Variants in TRIM63 observed in about 807,000 individuals in gnomAD.
The protein encoded by TRIM63 is E3 ubiquitin-protein ligase TRIM63.
Under a neutral mutation model 46.0 loss-of-function variants are expected in TRIM63, and 48 were observed. The observed-to-expected ratio is 1.04, with a 90% CI of 0.83 to 1.33. TRIM63 has a LOEUF of 1.33. TRIM63 is among the 40% of genes most tolerant of loss of function. The pLI is 0.00. For missense variants in TRIM63, 455 were observed against 441.2 expected, an observed-to-expected ratio of 1.03 and a Z score of -0.28; for synonymous variants, 175 against 162.8, an observed-to-expected ratio of 1.08 and a Z score of -0.57.
Position 26,057,236 on chromosome 1 carries a change from C to G in TRIM63, c.946G>C (p.Ala316Pro), listed in dbSNP as rs774962804. The G allele has an allele frequency of 2.5e-6, 4 of 1,614,200 alleles. No individual in the cohort carries two copies. The South Asian group carries it at 4.4e-5, about 18-fold the overall frequency. ...AAGTCAATGGCTCTCAGGGCGTCTG[C>G]TATGTGCTCTAAATCCAAAGTAAAG... ...DFFTLDLEHI[A>P]DALRAIDFGT... is the part of the protein sequence containing the mutation. The change falls in exon 7 of 9, where the codon GCA becomes CCA. Residue 316 changes from alanine (A) to proline (P), a missense_variant. Transcript: ENST00000374272.
In TRIM63 at chr1:26,058,447, C is replaced by G; in HGVS notation, c.774G>C (p.Lys258Asn). ...QYQEQLDKST[K>N]LVETAIQSLD... ...GGGACTGGATGGCAGTTTCCACCAG[C>G]TTTGTGGACTTGTCCAGCTGCTCCT... Residue 258 changes from lysine to asparagine, a missense_variant, in exon 5 of 9, where the codon AAG (lysine) becomes AAC (asparagine). Physicochemically the swap from Lys to Asn is moderately conservative, Grantham distance 94. Coordinates refer to ENST00000374272, the MANE Select transcript of TRIM63 (RefSeq NM_032588.4). The G allele has an allele frequency of 6.2e-7, 1 of 1,614,184 alleles. No homozygotes were observed. Among genetic ancestry groups the G allele is most frequent in the South Asian group, 1.1e-5 (1 of 91,082 alleles).
intron 3 of TRIM63, 62 bp downstream of exon 3, chr1:26,061,104 C>T: frequency 6.4e-7 from 1 of 1,566,122 alleles, no homozygotes; most frequent in Non-Finnish European, 8.7e-7. Context: ...AATCTGCCTC[C>T]TGAATCATCA....
chr1:26,059,795 G>T (rs570370515), intron 4 of TRIM63, among the ~76,000 whole-genome samples: 1 of 152,306 alleles, frequency 6.6e-6, no homozygotes. Flanking sequence ...TGTGGACCCA[G>T]CAGCTTGGGC....
intron 7 of TRIM63, among the ~76,000 whole-genome samples, chr1:26,054,404 C>T (rs2050550814): frequency 6.6e-6 from 1 of 152,182 alleles, no homozygotes; most frequent in African/African-American, 2.4e-5. Flanking sequence ...GCTTGTTCAG[C>T]AGCCACTGTC....
In TRIM63 at chr1:26,057,278, A is replaced by G. The variant is rs1474401164; in HGVS notation, c.904T>C (p.Phe302Leu). ...AAAGTAAAGAAGTCCATGTTCTCAA[A>G]GCCCTGCTCTGTCTTCCCCAGCTGG... is the stretch of plus-strand genomic sequence containing the variant. ...GCQLGKTEQGFENMDFFTLDL... is the reference protein window; with the variant it reads ...GCQLGKTEQGLENMDFFTLDL... Residue 302 changes from phenylalanine (F) to leucine (L), a missense_variant, in exon 7 of 9, where the codon TTT (phenylalanine) becomes CTT (leucine). By Grantham distance (22) the Phe-to-Leu change is conservative (BLOSUM62 0). Coordinates refer to ENST00000374272, the MANE Select transcript of TRIM63 (RefSeq NM_032588.4). 6.2e-7 allele frequency: 1 copy of G among 1,614,034 alleles called. No individual in the cohort carries two copies. The highest frequency in any genetic ancestry group is 2.2e-5 in the East Asian group (1 of 44,900).
Position 26,061,268 on chromosome 1 carries a change from G to T in TRIM63, c.399C>A (p.Tyr133Ter), listed in dbSNP as rs1025169410. ...KEHEDEKINI[Y>*]CLTCEVPTCS... is the part of the protein sequence containing the mutation. ...AGGTGGGCACCTCACACGTGAGACA[G>T]TAGATGTTGATTTTCTCATCTTCGT... is the stretch of plus-strand genomic sequence containing the variant. Residue 133 changes from tyrosine (Y) to a stop codon, truncating the protein, a stop_gained, in exon 3 of 9, where the codon TAC (tyrosine) becomes TAA (stop). Transcript: ENST00000374272. LOFTEE classifies it high-confidence loss of function. 10 of 1,614,210 alleles carry T rather than the reference G, an allele frequency of 6.2e-6. No individual in the cohort carries two copies. Among genetic ancestry groups the T allele is most frequent in the Non-Finnish European group, 8.5e-6 (10 of 1,180,012 alleles).
In TRIM63 at chr1:26,060,257, T is replaced by C. The variant is rs2050610865; in HGVS notation, c.597+9A>G. ...CAAATCCCCAGGCAGGACTATTCTG[T>C]CCGCTCACCTTGGTCACTCGACGGG... On this transcript the variant is annotated intron_variant, in intron 4 of 8. Transcript: ENST00000374272. 23 of 1,612,582 alleles carry C rather than the reference T, an allele frequency of 1.4e-5. No homozygotes were observed. Among genetic ancestry groups the C allele is most frequent in the Non-Finnish European group, 1.9e-5 (22 of 1,178,988 alleles).
chr1:26,058,047 CA>C (rs1557572416), intron 5 of TRIM63, among the ~76,000 whole-genome samples: 1 of 152,188 alleles, frequency 6.6e-6, no homozygotes, highest in African/African-American at 2.4e-5. Context: ...CTGTCCTCCC[CA>C]ACAAGCTCTT....
chr1:26,063,590 G>A (rs1429948157), intron 2 of TRIM63, among the ~76,000 whole-genome samples: 5 of 152,186 alleles, frequency 3.3e-5, no homozygotes, highest in African/African-American at 4.8e-5. Context: ...TGGTTCATGC[G>A]CCCGCAGCCC....
At chr1:26,066,215 G>A (rs2050675194) in intron 2 of TRIM63, 53 bp downstream of exon 2, 2 of 1,599,534 alleles carry the variant, frequency 1.3e-6, no homozygotes, top group Non-Finnish European at 1.7e-6. Context: ...GGGGGATCTA[G>A]GCACAGCATG....
At position 26,067,417 on chromosome 1, in the gene TRIM63, G is replaced by A. The variant is rs200467938; in HGVS notation, c.78C>T (p.Cys26=). Reference sequence around the variant, plus strand: ...CCACTGGCTTGGTAAACATCTCCAGGCAGATAGGGCAGATCAGCTGCTTCT... The same window carrying A: ...CCACTGGCTTGGTAAACATCTCCAGACAGATAGGGCAGATCAGCTGCTTCT... ...NLEKQLICPI[C]LEMFTKPVVI... Residue 26 remains cysteine (C), a synonymous_variant, in exon 1 of 9, where the codon TGC becomes TGT. Transcript: ENST00000374272. 1.1e-5 allele frequency: 17 copies of A among 1,614,060 alleles called. 1 individual carries two copies. Among genetic ancestry groups the A allele is most frequent in the Middle Eastern group, 1.6e-4 (1 of 6,084 alleles).
At chr1:26,057,488 A>C in intron 6 of TRIM63, 140 bp downstream of exon 6, 3 of 1,389,558 alleles carry the variant, frequency 2.2e-6, no homozygotes, top group Non-Finnish European at 2.9e-6. Context: ...TGGTCCAAAA[A>C]GTCAGGGATG....
Position 26,058,525 on chromosome 1 carries a change from C to T in TRIM63, c.696G>A (p.Thr232=), listed in dbSNP as rs371665512. Reference sequence around the variant, plus strand: ...AGCTAAGCTTTTTCTCCTGCTCCTGCGTGATCCGCTGCAGCAACTCACTTT... The same window carrying T: ...AGCTAAGCTTTTTCTCCTGCTCCTGTGTGATCCGCTGCAGCAACTCACTTT... ...EKKSELLQRI[T]QEQEKKLSFI... The change falls in exon 5 of 9, where the codon ACG becomes ACA. Residue 232 remains threonine (T), a synonymous_variant. Transcript: ENST00000374272. The T allele has an allele frequency of 7.9e-5, 127 of 1,614,200 alleles. 1 individual carries two copies. Among genetic ancestry groups the T allele is most frequent in the South Asian group, 3.1e-4 (28 of 91,082 alleles).
chr1:26,058,676 A>G, intron 4 of TRIM63, 53 bp from the exon 5 acceptor site: 2 of 1,443,394 alleles, frequency 1.4e-6, no homozygotes, highest in Non-Finnish European at 1.9e-6. Context: ...TTCCCTGCCC[A>G]CTACACTGCC....
chr1:26,062,534 C>A (rs1186752726), intron 2 of TRIM63, among the ~76,000 whole-genome samples: 1 of 152,170 alleles, frequency 6.6e-6, no homozygotes. Flanking sequence ...AGTGTGTATG[C>A]CCCATGTCAT....
chr1:26,061,987 G>C (rs181792039), intron 2 of TRIM63, among the ~76,000 whole-genome samples: 1 of 152,166 alleles, frequency 6.6e-6, no homozygotes, highest in Non-Finnish European at 1.5e-5. Flanking sequence ...AATCAATAAG[G>C]CTGGGCGCAG....
chr1:26,061,597 G>A (rs565113770), intron 2 of TRIM63, among the ~76,000 whole-genome samples: 1 of 152,198 alleles, frequency 6.6e-6, no homozygotes, highest in Non-Finnish European at 1.5e-5. Context: ...ATCCTAAGAG[G>A]GAGTTAGCCT....
At chr1:26,060,176 T>C (rs2050609887) in intron 4 of TRIM63, 90 bp downstream of exon 4, 1 of 1,227,288 alleles carries the variant, frequency 8.1e-7, no homozygotes, top group Non-Finnish European at 1.2e-6. Context: ...GCCCCAACCT[T>C]TAGCCACAAC....
At chr1:26,060,961 C>T (rs941970092) in intron 3 of TRIM63, among the ~76,000 whole-genome samples, 2 of 152,156 alleles carry the variant, frequency 1.3e-5, no homozygotes, top group African/African-American at 2.4e-5. Flanking sequence ...CAGGTGCTCT[C>T]GAGTGGCTCT....
Sources: gnomAD v4.1 joint callset for allele counts (sites outside exome capture counted in the v4.1 genomes callset) on GRCh38, gnomAD v4.1.1 for gene constraint, MANE v1.5 for transcripts, NCBI Gene and HGNC (gene_info 2026-07-23, HGNC 2026-07-21) for gene names.